MTUS2: variants seen among roughly 807,000 people sequenced by gnomAD.
MTUS2 encodes the protein microtubule associated scaffold protein 2.
MTUS2 carries 40 observed loss-of-function variants against 114.1 expected under a neutral mutation model. The observed-to-expected ratio is 0.35, with a 90% CI of 0.27 to 0.46. The LOEUF is 0.46. MTUS2 is among the 20% of genes least tolerant of loss of function. MTUS2 has a pLI of 1.00. For synonymous variants in MTUS2, 688 were observed against 672.0 expected, an observed-to-expected ratio of 1.02 and a Z score of -0.37; for missense variants, 1,679 against 1,705.4, an observed-to-expected ratio of 0.98 and a Z score of 0.27.
At chr13:28,853,898 AAC>A (rs1337438444) in intron 2 of MTUS2, among the ~76,000 whole-genome samples, 8 of 152,370 alleles carry the variant, frequency 5.3e-5, no homozygotes, top group Non-Finnish European at 1.0e-4. Context: ...CTAGTATTAT[AAC>A]AGTGTATCTT....
chr13:29,324,769 T>A, intron 7 of MTUS2, 58 bp downstream of exon 7: 1 of 1,318,652 alleles, frequency 7.6e-7, no homozygotes, highest in Non-Finnish European at 1.1e-6. Context: ...GAATTTATCT[T>A]ATTCAGATGT....
chr13:29,029,633 G>T (rs1886721058), intron 3 of MTUS2, among the ~76,000 whole-genome samples: 1 of 152,116 alleles, frequency 6.6e-6, no homozygotes. Context: ...GGTTTATTTG[G>T]CTCATGGTTC....
chr13:29,495,177 G>A (rs1443239469), intron 12 of MTUS2, among the ~76,000 whole-genome samples: 4 of 89,904 alleles, frequency 4.4e-5, no homozygotes, highest in Non-Finnish European at 6.1e-5. Context: ...GCAAAACTCC[G>A]TCTCAAAAAA....
rs191008787 is a variant in MTUS2, at chr13:28,879,099, A to G, written c.-243+39249A>G. On this transcript the variant is annotated intron_variant, in intron 2 of 15. Transcript: ENST00000612955. ...GATCAATGATGTTGAGCTTTTTTTC[A>G]TGTTTGTTGGCTGCATGAATGTCTT... Among the ~76,000 whole-genome samples the G allele has an allele frequency of 2.1e-3, 315 of 151,938 alleles. 1 individual carries two copies. Among genetic ancestry groups the G allele is most frequent in the African/African-American group, 7.5e-3 (311 of 41,440 alleles).
Position 29,168,888 on chromosome 13 carries a change from C to CTGTG in MTUS2, c.2644+67945_2644+67948dup, listed in dbSNP as rs57636866. Among the ~76,000 whole-genome samples the CTGTG allele has an allele frequency of 1.6e-3, 219 of 138,482 alleles. 3 individuals carry two copies. The highest frequency in any genetic ancestry group is 2.7e-3 in the East Asian group (13 of 4,782). The allele number at this position is 138,482 out of a possible 152,430, so 90.8% of individuals were successfully genotyped here. A position where few individuals can be genotyped will look rare whatever the true frequency, so the allele number is the denominator to read the frequency against. On this transcript the variant is annotated intron_variant, in intron 5 of 15. Coordinates refer to ENST00000612955, the MANE Select transcript of MTUS2 (RefSeq NM_001033602.4). ...ATTTGTCTCCTTTCACTTTATGAAT[C>CTGTG]TGTGTGTGTGTGTGTGTGTGTGTGT...
intron 2 of MTUS2, among the ~76,000 whole-genome samples, chr13:28,908,516 C>A (rs1332689027): frequency 6.6e-6 from 1 of 151,390 alleles, no homozygotes; most frequent in East Asian, 1.9e-4. Flanking sequence ...GTATATGTGC[C>A]ACATTTTCTT....
At chr13:28,857,526 A>T (rs990455348) in intron 2 of MTUS2, among the ~76,000 whole-genome samples, 1 of 152,200 alleles carries the variant, frequency 6.6e-6, no homozygotes, top group African/African-American at 2.4e-5. Context: ...AGTGCCAGAG[A>T]ACAGGCTGCC....
chr13:28,897,454 C>T (rs189044605), intron 2 of MTUS2, among the ~76,000 whole-genome samples: 210 of 152,196 alleles, frequency 1.4e-3, no homozygotes, highest in Non-Finnish European at 1.5e-3. Context: ...GTTGGTGGGA[C>T]GTAAACTAGT....
At chr13:29,243,988 G>A (rs1270494705) in intron 5 of MTUS2, among the ~76,000 whole-genome samples, 7 of 152,238 alleles carry the variant, frequency 4.6e-5, no homozygotes, top group African/African-American at 1.7e-4. Flanking sequence ...ATGTGAGTCT[G>A]TGAGACCAGG....
intron 10 of MTUS2, among the ~76,000 whole-genome samples, chr13:29,481,765 G>A (rs1881201708): frequency 1.3e-5 from 2 of 152,116 alleles, no homozygotes; most frequent in South Asian, 4.1e-4. Context: ...GTTCTACACA[G>A]TATCTCAGGT....
At chr13:29,299,729 T>C (rs1899110091) in intron 6 of MTUS2, among the ~76,000 whole-genome samples, 1 of 152,182 alleles carries the variant, frequency 6.6e-6, no homozygotes, top group African/African-American at 2.4e-5. Context: ...TTCTCAAGCC[T>C]TGCTCCCCTT....
At chr13:29,435,470 G>A (rs1437887122) in intron 8 of MTUS2, among the ~76,000 whole-genome samples, 1 of 152,186 alleles carries the variant, frequency 6.6e-6, no homozygotes, top group Non-Finnish European at 1.5e-5. Flanking sequence ...GGCATAGTTT[G>A]GGGAATGGAG....
intron 5 of MTUS2, among the ~76,000 whole-genome samples, chr13:29,139,914 T>A (rs1208685730): frequency 6.6e-6 from 1 of 152,172 alleles, no homozygotes; most frequent in African/African-American, 2.4e-5. Flanking sequence ...TCAGCCAGTG[T>A]TTCCAGGATT....
intron 2 of MTUS2, among the ~76,000 whole-genome samples, chr13:29,021,728 T>A (rs80248163): frequency 6.6e-6 from 1 of 152,220 alleles, no homozygotes; most frequent in South Asian, 2.1e-4. Context: ...TGTGATCTTA[T>A]TGATTTGCCT....
intron 6 of MTUS2, among the ~76,000 whole-genome samples, chr13:29,304,961 CTA>C (rs1374916529): frequency 2.0e-5 from 3 of 151,910 alleles, no homozygotes; most frequent in Non-Finnish European, 4.4e-5. Context: ...CACAATCAAA[CTA>C]GAATTCAAGA....
At chr13:28,959,068 C>G (rs1478743938) in intron 2 of MTUS2, among the ~76,000 whole-genome samples, 3 of 152,120 alleles carry the variant, frequency 2.0e-5, no homozygotes, top group Admixed American at 6.5e-5. Context: ...TGCTTCTTGC[C>G]TCATCTGTCT....
At chr13:29,449,425 T>A (rs1043307681) in intron 9 of MTUS2, among the ~76,000 whole-genome samples, 2 of 152,222 alleles carry the variant, frequency 1.3e-5, no homozygotes, top group Non-Finnish European at 2.9e-5. Context: ...GTCGTAATGA[T>A]TATAATCTCT....
At chr13:29,352,510 T>C (rs931440802) in intron 7 of MTUS2, among the ~76,000 whole-genome samples, 22 of 152,222 alleles carry the variant, frequency 1.4e-4, no homozygotes, top group Non-Finnish European at 2.9e-5. Flanking sequence ...AATTTGCCCT[T>C]TTCAAGTGTA....
At chr13:29,434,616 A>G (rs1877273035) in intron 8 of MTUS2, among the ~76,000 whole-genome samples, 1 of 152,138 alleles carries the variant, frequency 6.6e-6, no homozygotes, top group Non-Finnish European at 1.5e-5. Context: ...TTGGTTTCTA[A>G]TTTGAGGAGT....
Sources: gnomAD v4.1 joint callset for allele counts (sites outside exome capture counted in the v4.1 genomes callset) on GRCh38, gnomAD v4.1.1 for gene constraint, MANE v1.5 for transcripts, NCBI Gene and HGNC (gene_info 2026-07-23, HGNC 2026-07-21) for gene names.